ZNF385D: variants seen among roughly 807,000 people sequenced by gnomAD.
ZNF385D encodes zinc finger protein 385D, also known as zinc finger protein 659.
In ZNF385D, 15 loss-of-function variants were observed where a neutral mutation model predicts 35.8. The observed-to-expected ratio is 0.42, with a 90% confidence interval of 0.28 to 0.64. The LOEUF (loss-of-function observed/expected upper bound fraction) is 0.64. ZNF385D is among the 30% of genes least tolerant of loss of function. The pLI, the probability that ZNF385D is intolerant of heterozygous loss-of-function variation, is 0.23. For missense variants in ZNF385D, 474 were observed against 494.6 expected (o/e 0.96, Z 0.39); for synonymous variants, 212 against 186.8 (o/e 1.13, Z -1.10).
chr3:22,205,053 A>G (rs1413401912), intron 2 of ZNF385D, among the ~76,000 whole-genome samples: 3 of 151,958 alleles, frequency 2.0e-5, no homozygotes, highest in Non-Finnish European at 2.9e-5. Flanking sequence ...TAACCCAAAA[A>G]CAATGACTTC....
chr3:22,129,625 A>T (rs910172885), intron 3 of ZNF385D, among the ~76,000 whole-genome samples: 1 of 152,030 alleles, frequency 6.6e-6, no homozygotes, highest in Non-Finnish European at 1.5e-5. Context: ...ATTTGTGGTG[A>T]CTGTAGCCTG....
At chr3:22,089,990 C>G (rs1347427738) in intron 3 of ZNF385D, among the ~76,000 whole-genome samples, 1 of 152,092 alleles carries the variant, frequency 6.6e-6, no homozygotes, top group African/African-American at 2.4e-5. Flanking sequence ...AGGCGCGTGC[C>G]ACCATGCCAG....
In ZNF385D at chr3:21,843,497, C is replaced by A. The variant is rs112026369; in HGVS notation, c.326-178469G>T. 3.6e-3 allele frequency among the ~76,000 whole-genome samples: 553 copies of A among 152,034 alleles called. 2 individuals are homozygous for A. The highest frequency in any genetic ancestry group is 0.012 in the African/African-American group (513 of 41,528). On this transcript the variant is annotated intron_variant, in intron 3 of 5. Coordinates refer to the ZNF385D transcript ENST00000494108. ...TATTTATCATGCTCTGTAGCCCAAG[C>A]ACGTGAGAGGTAGACTCTGATTCAA...
In ZNF385D at chr3:21,960,091, TC is replaced by T. The variant is rs1702502486; in HGVS notation, c.325+208725del. Among the ~76,000 whole-genome samples, 10 of 136,214 alleles carry T rather than the reference TC, an allele frequency of 7.3e-5. No individual in the cohort carries two copies. The South Asian group carries it at 2.3e-3, about 31-fold the overall frequency. 89.4% of individuals were successfully genotyped at this position (136,214 alleles called of 152,430 possible). A position where few individuals can be genotyped will look rare whatever the true frequency, so the allele number is the denominator to read the frequency against. On this transcript the variant is annotated intron_variant, in intron 3 of 5. Transcript: ENST00000494108. ...ATCTTCTGTACAGCCAAGAATACAA[TC>T]AAAAAGTGATGAAAAAAAATCTGTA...
At chr3:21,697,222 T>G (rs6781372) in intron 1 of ZNF385D, among the ~76,000 whole-genome samples, 87,355 of 151,860 alleles carry the variant, frequency 0.58, 26,021 homozygotes, top group Non-Finnish European at 0.66. Context: ...AAGATTTGAG[T>G]GCTTACTTTG....
chr3:21,555,863 C>T (rs1431107433), intron 3 of ZNF385D, among the ~76,000 whole-genome samples: 2 of 152,166 alleles, frequency 1.3e-5, no homozygotes, highest in East Asian at 3.9e-4. Context: ...TCTACATCCT[C>T]TTCAGCATGT....
intron 3 of ZNF385D, among the ~76,000 whole-genome samples, chr3:21,848,013 A>G (rs188031347): frequency 1.3e-5 from 2 of 152,094 alleles, no homozygotes; most frequent in Admixed American, 1.3e-4. Flanking sequence ...TCTGGTGACT[A>G]ACATTCTACT....
chr3:21,976,688 T>A (rs900722231), intron 3 of ZNF385D, among the ~76,000 whole-genome samples: 1 of 152,134 alleles, frequency 6.6e-6, no homozygotes, highest in Non-Finnish European at 1.5e-5. Context: ...TGGAAAATTA[T>A]TTTGCACTGA....
chr3:21,771,761 C>T (rs1267252560), intron 3 of ZNF385D, among the ~76,000 whole-genome samples: 1 of 151,610 alleles, frequency 6.6e-6, no homozygotes, highest in Non-Finnish European at 1.5e-5. Context: ...CTAAGTAAGA[C>T]CATAAATAGC....
At chr3:21,455,658 T>A (rs1247858241) in intron 4 of ZNF385D, among the ~76,000 whole-genome samples, 1 of 152,134 alleles carries the variant, frequency 6.6e-6, no homozygotes, top group Non-Finnish European at 1.5e-5. Flanking sequence ...GGCAATACCA[T>A]TCAGGACATA....
At chr3:21,783,456 G>A (rs1259556346) in intron 3 of ZNF385D, among the ~76,000 whole-genome samples, 1 of 152,104 alleles carries the variant, frequency 6.6e-6, no homozygotes, top group East Asian at 1.9e-4. Context: ...AAATGCTACT[G>A]TATGTTACCA....
intron 4 of ZNF385D, among the ~76,000 whole-genome samples, chr3:21,445,333 G>A (rs539366147): frequency 6.6e-6 from 1 of 152,310 alleles, no homozygotes; most frequent in African/African-American, 2.4e-5. Context: ...CATCTCTCCA[G>A]TGGTTACAAG....
At chr3:21,762,720 C>G (rs761772133) in intron 3 of ZNF385D, among the ~76,000 whole-genome samples, 1 of 152,158 alleles carries the variant, frequency 6.6e-6, no homozygotes, top group Non-Finnish European at 1.5e-5. Flanking sequence ...TCACTGTCAA[C>G]CCCTAGAGGT....
chr3:22,064,241 C>A (rs542844950), intron 3 of ZNF385D, among the ~76,000 whole-genome samples: 1 of 152,070 alleles, frequency 6.6e-6, no homozygotes, highest in African/African-American at 2.4e-5. Flanking sequence ...TAATCCTCTC[C>A]GAAGGGGTCA....
At chr3:21,679,699 T>C (rs1412628137) in intron 1 of ZNF385D, among the ~76,000 whole-genome samples, 2 of 151,696 alleles carry the variant, frequency 1.3e-5, no homozygotes, top group African/African-American at 4.8e-5. Flanking sequence ...AAGGAAGGGA[T>C]GGAAGGAAGG....
chr3:21,981,055 T>C (rs1374788601), intron 3 of ZNF385D, among the ~76,000 whole-genome samples: 1 of 152,176 alleles, frequency 6.6e-6, no homozygotes, highest in African/African-American at 2.4e-5. Flanking sequence ...TATGGTAGAA[T>C]AATTTCTAGT....
intron 3 of ZNF385D, among the ~76,000 whole-genome samples, chr3:21,761,001 G>C (rs983368900): frequency 3.3e-5 from 5 of 152,150 alleles, no homozygotes; most frequent in Non-Finnish European, 7.3e-5. Flanking sequence ...AAAAGACAAA[G>C]TGGCTTTTGC....
chr3:22,176,152 T>C (rs1432160074), intron 2 of ZNF385D, among the ~76,000 whole-genome samples: 1 of 152,038 alleles, frequency 6.6e-6, no homozygotes, highest in Non-Finnish European at 1.5e-5. Flanking sequence ...TATAATTCTG[T>C]AAATATCTAA....
chr3:21,909,703 T>C lies in ZNF385D; in HGVS notation c.326-244675A>G, dbSNP rs539487659. 1.6e-4 allele frequency among the ~76,000 whole-genome samples: 24 copies of C among 152,090 alleles called. No homozygotes were observed. The South Asian group carries it at 4.8e-3, about 30-fold the overall frequency. On this transcript the variant is annotated intron_variant, in intron 3 of 5. Transcript: ENST00000494108. ...AGACATTACAGAGGAGAAAGAAGAATGGATGTGGAGTAAGAAGACAAATTC... is the reference window on the plus strand; with the variant it reads ...AGACATTACAGAGGAGAAAGAAGAACGGATGTGGAGTAAGAAGACAAATTC...
Sources: gnomAD v4.1 joint callset for allele counts (sites outside exome capture counted in the v4.1 genomes callset) on GRCh38, gnomAD v4.1.1 for gene constraint, MANE v1.5 for transcripts, NCBI Gene and HGNC (gene_info 2026-07-23, HGNC 2026-07-21) for gene names.